The following CAST variants were observed in gnomAD, a reference collection of about 807,000 sequenced individuals.
CAST encodes the protein MIR583 host.
In CAST, 76 loss-of-function variants were observed where a neutral mutation model predicts 119.6. That is an observed-to-expected ratio of 0.64 (90% CI 0.53 to 0.77). The LOEUF is 0.77. CAST is among the 30% of genes least tolerant of loss of function. The probability of loss-of-function intolerance (pLI) is 0.00; values close to 1 mark genes in which losing one functional copy is unlikely to be tolerated. For missense variants in CAST, 953 were observed against 946.5 expected, an observed-to-expected ratio of 1.01 and a Z score of -0.09; for synonymous variants, 319 against 331.6, an observed-to-expected ratio of 0.96 and a Z score of 0.41.
the CAST span, among the ~76,000 whole-genome samples, chr5:96,446,884 T>C: frequency 2.0e-5 from 3 of 152,218 alleles, no homozygotes; most frequent in African/African-American, 4.8e-5. Context: ...GTTTCTGTCC[T>C]CATCAGACCA....
the CAST span, among the ~76,000 whole-genome samples, chr5:96,466,574 GT>G: frequency 3.6e-4 from 54 of 150,774 alleles, no homozygotes; most frequent in African/African-American, 1.1e-3. Flanking sequence ...TTTGTGTGGG[GT>G]TTTTTTTTCC....
intron 20 of CAST, among the ~76,000 whole-genome samples, chr5:96,750,908 A>G (rs1042904517): frequency 5.9e-5 from 9 of 151,812 alleles, no homozygotes; most frequent in African/African-American, 1.9e-4. Context: ...ATTTTTCTCT[A>G]CTCTTCTGAA....
At chr5:96,421,803 A>G in the CAST span, 1 of 839,480 alleles carries the variant, frequency 1.2e-6, no homozygotes, top group Non-Finnish European at 2.1e-6. Context: ...TGTGGATGAA[A>G]TATATGGTAT....
the CAST span, among the ~76,000 whole-genome samples, chr5:96,414,603 G>C: frequency 6.6e-6 from 1 of 152,170 alleles, no homozygotes; most frequent in East Asian, 1.9e-4. Context: ...TGGAGTAATG[G>C]AAAACATCAG....
intron 1 of CAST, among the ~76,000 whole-genome samples, chr5:96,567,452 C>G (rs1244868958): frequency 6.6e-6 from 1 of 152,158 alleles, no homozygotes. Context: ...ATTCTCAGCT[C>G]CATTGCATTC....
At chr5:96,324,190 G>A in the CAST span, among the ~76,000 whole-genome samples, 1 of 152,028 alleles carries the variant, frequency 6.6e-6, no homozygotes, top group South Asian at 2.1e-4. Context: ...TTTCCAGCTG[G>A]TTATTAATTA....
At chr5:96,621,713 C>G (rs1336442543) in intron 1 of CAST, among the ~76,000 whole-genome samples, 1 of 152,178 alleles carries the variant, frequency 6.6e-6, no homozygotes, top group Non-Finnish European at 1.5e-5. Context: ...GGTGGGGACA[C>G]AGAGCCAAAC....
the CAST span, among the ~76,000 whole-genome samples, chr5:96,088,021 G>T: frequency 6.6e-6 from 1 of 152,202 alleles, no homozygotes; most frequent in East Asian, 1.9e-4. Context: ...TATGCTGTTG[G>T]TTGCTAATTG....
At position 96,656,187 on chromosome 5, in the gene CAST, C is replaced by T. The variant is rs117161359; in HGVS notation, c.61-19352C>T. Among the ~76,000 whole-genome samples the T allele has an allele frequency of 2.6e-4, 39 of 152,068 alleles. No homozygotes were observed. The East Asian group carries it at 6.2e-3, about 24-fold the overall frequency. ...AAAATGTATTTCTTACTGAGGACCA[C>T]GGGGAAAAAAAGTTTGGAAAAATTA... On this transcript the variant is annotated intron_variant, in intron 1 of 11. Transcript: ENST00000505143.
the CAST span, among the ~76,000 whole-genome samples, chr5:96,382,508 A>T: frequency 6.6e-6 from 1 of 152,302 alleles, no homozygotes; most frequent in Middle Eastern, 3.4e-3. Context: ...TGATTTGCAC[A>T]AAGAACTATA....
At chr5:96,227,176 G>A in the CAST span, among the ~76,000 whole-genome samples, 2 of 152,168 alleles carry the variant, frequency 1.3e-5, no homozygotes, top group East Asian at 3.8e-4. Flanking sequence ...GTAATTCTCT[G>A]TAAAAAATGA....
At chr5:96,122,669 TGA>T in the CAST span, among the ~76,000 whole-genome samples, 1 of 152,116 alleles carries the variant, frequency 6.6e-6, no homozygotes, top group South Asian at 2.1e-4. Flanking sequence ...ACATATCAGT[TGA>T]AGAAATAAGA....
At chr5:96,753,167 A>G (rs1239212353) in intron 20 of CAST, among the ~76,000 whole-genome samples, 1 of 151,872 alleles carries the variant, frequency 6.6e-6, no homozygotes, top group Non-Finnish European at 1.5e-5. Flanking sequence ...CTAATTTTTA[A>G]AAACTTTTTG....
chr5:96,646,254 T>C (rs373485475), intron 1 of CAST, among the ~76,000 whole-genome samples: 16 of 152,338 alleles, frequency 1.1e-4, no homozygotes, highest in African/African-American at 3.8e-4. Flanking sequence ...TGACTAGATA[T>C]TCCACTTTTA....
chr5:96,416,471 A>G, the CAST span, among the ~76,000 whole-genome samples: 1 of 152,224 alleles, frequency 6.6e-6, no homozygotes, highest in Non-Finnish European at 1.5e-5. Context: ...TATTGATACT[A>G]TTATAAGAAC....
chr5:96,650,728 T>TTGTGTGTG (rs34230121), intron 1 of CAST, among the ~76,000 whole-genome samples: 5,962 of 142,078 alleles, frequency 0.042, 168 homozygotes, highest in East Asian at 0.12. Flanking sequence ...ACCCACTTAA[T>TTGTGTGTG]TGTGTGTGTG....
chr5:96,077,980 A>C, the CAST span, among the ~76,000 whole-genome samples: 1 of 152,114 alleles, frequency 6.6e-6, no homozygotes, highest in African/African-American at 2.4e-5. Context: ...ACATTAGAAC[A>C]TTTTTTTCTT....
chr5:96,292,286 C>G, the CAST span, among the ~76,000 whole-genome samples: 1 of 152,162 alleles, frequency 6.6e-6, no homozygotes, highest in Non-Finnish European at 1.5e-5. Flanking sequence ...TTGGAAAACC[C>G]GTAACATCCA....
At chr5:96,422,014 A>AAAG in the CAST span, 1 of 888,084 alleles carries the variant, frequency 1.1e-6, no homozygotes. Context: ...AAAAAAAAAA[A>AAAG]AAAAAGCATC....
Sources: gnomAD v4.1 joint callset for allele counts (sites outside exome capture counted in the v4.1 genomes callset) on GRCh38, gnomAD v4.1.1 for gene constraint, MANE v1.5 for transcripts, NCBI Gene and HGNC (gene_info 2026-07-23, HGNC 2026-07-21) for gene names.